Variants in PID1 observed in about 807,000 individuals in gnomAD.
The protein encoded by PID1 is PTB-containing, cubilin and LRP1-interacting protein.
In PID1, 10 loss-of-function variants were observed where a neutral mutation model predicts 19.1. The ratio of observed to expected loss-of-function variants is 0.52; its 90% CI spans 0.32 to 0.89. The LOEUF (loss-of-function observed/expected upper bound fraction) is 0.89, where lower values mean the gene tolerates loss of function less well. Among genes scored for constraint, PID1 ranks in the 40% least tolerant of loss-of-function variants. The pLI, the probability that PID1 is intolerant of heterozygous loss-of-function variation, is 0.03. For synonymous variants in PID1, 130 were observed against 116.0 expected (o/e 1.12, Z -0.78); for missense variants, 248 against 285.3 (o/e 0.87, Z 0.94).
At chr2:229,150,540 C>A (rs932489356) in intron 2 of PID1, among the ~76,000 whole-genome samples, 2 of 152,196 alleles carry the variant, frequency 1.3e-5, no homozygotes, top group Admixed American at 6.5e-5. Flanking sequence ...CACACACCTC[C>A]CCTTGGTATT....
intron 1 of PID1, among the ~76,000 whole-genome samples, chr2:229,157,991 T>C (rs1227730736): frequency 6.6e-6 from 1 of 152,220 alleles, no homozygotes; most frequent in Non-Finnish European, 1.5e-5. Flanking sequence ...TAAGTTAGTT[T>C]TGTGCAGCGT....
intron 1 of PID1, among the ~76,000 whole-genome samples, chr2:229,193,072 C>G (rs1691296918): frequency 6.6e-6 from 1 of 152,132 alleles, no homozygotes; most frequent in Non-Finnish European, 1.5e-5. Flanking sequence ...AAGCAGCATC[C>G]TTATTTTACT....
At chr2:229,227,684 C>T (rs773861820) in intron 1 of PID1, among the ~76,000 whole-genome samples, 2 of 152,148 alleles carry the variant, frequency 1.3e-5, no homozygotes, top group Non-Finnish European at 2.9e-5. Flanking sequence ...GCTCTTTCTT[C>T]ATCCCTAAAC....
chr2:229,054,728 G>A lies in PID1; in HGVS notation c.178-28620C>T, dbSNP rs571278106. Among the ~76,000 whole-genome samples, 107 of 122,892 alleles carry A rather than the reference G, an allele frequency of 8.7e-4. 13 individuals carry two copies. The highest frequency in any genetic ancestry group is 3.1e-3 in the African/African-American group (104 of 33,822). The allele number at this position is 122,892 out of a possible 152,430, so 80.6% of individuals were successfully genotyped here. On this transcript the variant is annotated intron_variant, in intron 2 of 2. Coordinates refer to ENST00000392055, the MANE Select transcript of PID1 (RefSeq NM_001100818.2). Reference sequence around the variant, plus strand: ...AGTGTGTGTGTGTGTGTGGGGGGGGGGGGGGGTCTGGTTTTACTCAATTTG... The same window carrying A: ...AGTGTGTGTGTGTGTGTGGGGGGGGAGGGGGGTCTGGTTTTACTCAATTTG...
intron 2 of PID1, among the ~76,000 whole-genome samples, chr2:229,065,729 A>AAAAAAAAAAAAAAAAAAAAAAAAAG (rs765746020): frequency 1.4e-5 from 2 of 140,678 alleles, no homozygotes; most frequent in African/African-American, 5.6e-5. Context: ...AAAAAAAAAA[A>AAAAAAAAAAAAAAAAAAAAAAAAAG]AAACAGGTTG....
Position 229,262,589 on chromosome 2 carries a change from T to C in PID1, c.30+8425A>G, listed in dbSNP as rs529662761. 5 of 1,477,334 alleles carry C rather than the reference T, an allele frequency of 3.4e-6. No homozygotes were observed. In the East Asian group the frequency reaches 7.4e-5, roughly 22 times the overall value. The allele number at this position is 1,477,334 out of a possible 1,614,324, so 91.5% of individuals were successfully genotyped here. A position where few individuals can be genotyped will look rare whatever the true frequency, so the allele number is the denominator to read the frequency against. ...GAGTGACCAAACATAGTCAAGAGGCTATATGGTTTCACTGGTGTAGTAGCT... is the reference window on the plus strand; with the variant it reads ...GAGTGACCAAACATAGTCAAGAGGCCATATGGTTTCACTGGTGTAGTAGCT... On this transcript the variant is annotated intron_variant, in intron 1 of 2. Transcript: ENST00000392055.
At chr2:229,104,781 T>C (rs2106231566) in intron 2 of PID1, among the ~76,000 whole-genome samples, 1 of 152,194 alleles carries the variant, frequency 6.6e-6, no homozygotes, top group East Asian at 1.9e-4. Context: ...GGTGCAATAT[T>C]AGTGCCTGAC....
chr2:229,180,329 G>A (rs1690912885), intron 1 of PID1, among the ~76,000 whole-genome samples: 1 of 152,190 alleles, frequency 6.6e-6, no homozygotes, highest in East Asian at 1.9e-4. Flanking sequence ...GTGCATATCT[G>A]TATGCGCATA....
chr2:229,230,212 T>C (rs1179115877), intron 1 of PID1, among the ~76,000 whole-genome samples: 1 of 152,178 alleles, frequency 6.6e-6, no homozygotes, highest in Non-Finnish European at 1.5e-5. Context: ...GCTGTATACA[T>C]GGGTAAATAA....
At position 229,155,862 on chromosome 2, in the gene PID1, T is replaced by C. The variant is rs762863713; in HGVS notation, c.133A>G (p.Thr45Ala). 9.3e-6 allele frequency: 15 copies of C among 1,613,878 alleles called. No individual in the cohort carries two copies. The highest frequency in any genetic ancestry group is 1.3e-5 in the Non-Finnish European group (15 of 1,179,994). ...CTTGTCTTCATCAGCGGTGTGGTCGTGCACAGCTCAATGGCCTCCGGCTCA... is the reference window on the plus strand; with the variant it reads ...CTTGTCTTCATCAGCGGTGTGGTCGCGCACAGCTCAATGGCCTCCGGCTCA... ...FHEPEAIELCTTTPLMKTRTH... is the reference protein window; with the variant it reads ...FHEPEAIELCATTPLMKTRTH... The change falls in exon 2 of 3, where the codon ACG becomes GCG. Residue 45 changes from threonine to alanine, a missense_variant. Transcript: ENST00000392055.
chr2:229,150,017 C>T (rs1480865009), intron 2 of PID1, among the ~76,000 whole-genome samples: 1 of 152,060 alleles, frequency 6.6e-6, no homozygotes, highest in Non-Finnish European at 1.5e-5. Flanking sequence ...GCGGGTGGAT[C>T]ACTTGAGGTC....
At chr2:229,200,620 C>T (rs1202483442) in intron 1 of PID1, among the ~76,000 whole-genome samples, 1 of 152,016 alleles carries the variant, frequency 6.6e-6, no homozygotes, top group Admixed American at 6.6e-5. Context: ...CACTACGCTA[C>T]CTGTCTACCC....
At chr2:229,088,383 G>A (rs192514981) in intron 2 of PID1, among the ~76,000 whole-genome samples, 43 of 152,060 alleles carry the variant, frequency 2.8e-4, no homozygotes, top group African/African-American at 9.6e-4. Flanking sequence ...TGAGGACAGC[G>A]TTTTCATACC....
At chr2:229,067,215 C>G (rs1429629901) in intron 2 of PID1, among the ~76,000 whole-genome samples, 1 of 152,064 alleles carries the variant, frequency 6.6e-6, no homozygotes, top group Non-Finnish European at 1.5e-5. Flanking sequence ...GGGGTAACTG[C>G]CCCCATGATT....
At chr2:229,260,391 A>G (rs534319331) in intron 1 of PID1, among the ~76,000 whole-genome samples, 1 of 152,088 alleles carries the variant, frequency 6.6e-6, no homozygotes, top group South Asian at 2.1e-4. Context: ...AAAAGGAATG[A>G]GTTGGGTCTA....
intron 2 of PID1, among the ~76,000 whole-genome samples, chr2:229,056,401 C>T (rs1046645935): frequency 3.9e-5 from 6 of 152,142 alleles, no homozygotes; most frequent in South Asian, 4.2e-4. Context: ...GGCACACTAC[C>T]GACTTGCCTT....
chr2:229,039,875 T>C (rs1693733821), intron 2 of PID1, among the ~76,000 whole-genome samples: 1 of 152,148 alleles, frequency 6.6e-6, no homozygotes, highest in South Asian at 2.1e-4. Flanking sequence ...TTTTGAATCA[T>C]CAATATCATA....
intron 1 of PID1, among the ~76,000 whole-genome samples, chr2:229,173,645 C>A (rs1040354607): frequency 1.3e-5 from 2 of 152,094 alleles, no homozygotes; most frequent in Non-Finnish European, 2.9e-5. Context: ...ATAAGAGTTT[C>A]CTGTTTCAAA....
At chr2:229,055,942 C>T (rs1694089291) in intron 2 of PID1, among the ~76,000 whole-genome samples, 1 of 152,212 alleles carries the variant, frequency 6.6e-6, no homozygotes, top group Non-Finnish European at 1.5e-5. Flanking sequence ...GGATGAATTG[C>T]CTGTCCAAGT....
Sources: gnomAD v4.1 joint callset for allele counts (sites outside exome capture counted in the v4.1 genomes callset) on GRCh38, gnomAD v4.1.1 for gene constraint, MANE v1.5 for transcripts, NCBI Gene and HGNC (gene_info 2026-07-23, HGNC 2026-07-21) for gene names.